The following ASMTL variants were observed in gnomAD, a reference collection of about 807,000 sequenced individuals.
The protein encoded by ASMTL is probable bifunctional dTTP/UTP pyrophosphatase/methyltransferase protein.
Under a neutral mutation model 60.3 loss-of-function variants are expected in ASMTL, and 57 were observed. The observed-to-expected ratio is 0.95, with a 90% CI of 0.76 to 1.18. The LOEUF is 1.18. ASMTL is among the 50% of genes most tolerant of loss of function. The probability of loss-of-function intolerance (pLI) is 0.00; values close to 1 mark genes in which losing one functional copy is unlikely to be tolerated. For synonymous variants in ASMTL, 419 were observed against 373.0 expected (o/e 1.12, Z -1.42); for missense variants, 981 against 852.6 (o/e 1.15, Z -1.88).
At chrX:1,431,209 A>G (rs1238274441) in intron 6 of ASMTL, among the ~76,000 whole-genome samples, 5 of 114,908 alleles carry the variant, frequency 4.4e-5, no homozygotes, top group African/African-American at 1.3e-4. Context: ...ATCATTTATA[A>G]TTAATTATAT....
At chrX:1,416,149 A>G (rs1471879441) in intron 11 of ASMTL, among the ~76,000 whole-genome samples, 1 of 151,704 alleles carries the variant, frequency 6.6e-6, no homozygotes, top group African/African-American at 2.4e-5. Flanking sequence ...ACAGATGGGC[A>G]CACACACATG....
chrX:1,438,224 G>A (rs1444702866), intron 3 of ASMTL, among the ~76,000 whole-genome samples: 12 of 151,862 alleles, frequency 7.9e-5, no homozygotes, highest in Admixed American at 2.6e-4. Flanking sequence ...CGGAGGTCCC[G>A]GTGAGCCGAG....
chrX:1,418,057 C>G lies in ASMTL; in HGVS notation c.1438G>C (p.Val480Leu). 6.2e-7 allele frequency: 1 copy of G among 1,613,568 alleles called. No homozygotes were observed. Among genetic ancestry groups the G allele is most frequent in the Middle Eastern group, 1.7e-4 (1 of 6,052 alleles). ...TCGATAATGTCTGGGAGGTCAAACA[C>G]AGTCACCTGCATACGAGGGTACTCA... ...AREYPRMQVT[V>L]FDLPDIIELA... The change falls in exon 11 of 13, where the codon GTG becomes CTG. Residue 480 changes from valine (V) to leucine (L), a missense_variant. Transcript: ENST00000381317.
At chrX:1,422,231 C>T (rs2090501391) in intron 8 of ASMTL, among the ~76,000 whole-genome samples, 1 of 152,060 alleles carries the variant, frequency 6.6e-6, no homozygotes, top group Admixed American at 6.6e-5. Context: ...TTGCATCTAC[C>T]ATCAGTTTGA....
At chrX:1,403,599 G>T in intron 12 of ASMTL, 110 bp from the exon 13 acceptor site, 2 of 1,010,756 alleles carry the variant, frequency 2.0e-6, no homozygotes, top group South Asian at 1.4e-5. Context: ...AGCAGAGGCT[G>T]CTGAGAACCC....
At chrX:1,417,418 T>C (rs2090329021) in intron 11 of ASMTL, among the ~76,000 whole-genome samples, 1 of 88,604 alleles carries the variant, frequency 1.1e-5, no homozygotes, top group Non-Finnish European at 2.5e-5. Context: ...GGACACACAG[T>C]CTCATGCACA....
At chrX:1,443,873 C>T (rs1489032899) in intron 1 of ASMTL, among the ~76,000 whole-genome samples, 2 of 151,968 alleles carry the variant, frequency 1.3e-5, no homozygotes, top group Admixed American at 1.3e-4. Context: ...TGGACAGACA[C>T]CGCCGTCGTG....
At chrX:1,419,189 G>C (rs766703983) in intron 9 of ASMTL, 75 bp from the exon 10 acceptor site, 2 of 1,559,954 alleles carry the variant, frequency 1.3e-6, no homozygotes, top group Non-Finnish European at 8.7e-7. Flanking sequence ...CTGGGGGTCG[G>C]GGGGAGAAGT....
chrX:1,446,716 G>C (rs1384737934), intron 1 of ASMTL, among the ~76,000 whole-genome samples: 1 of 151,970 alleles, frequency 6.6e-6, no homozygotes, highest in African/African-American at 2.4e-5. Context: ...AGCCAGGATG[G>C]TCTCGATCTC....
At chrX:1,442,444 A>C in intron 1 of ASMTL, 127 bp from the exon 2 acceptor site, 80 of 1,071,104 alleles carry the variant, frequency 7.5e-5, no homozygotes, top group Non-Finnish European at 1.0e-4. Flanking sequence ...AGGTGAGCTC[A>C]TCCATCCGCC....
intron 1 of ASMTL, among the ~76,000 whole-genome samples, chrX:1,443,238 C>T (rs1249254031): frequency 7.6e-5 from 6 of 79,268 alleles, no homozygotes; most frequent in Non-Finnish European, 1.4e-4. Context: ...GCACACACAC[C>T]GCCGTCGTGG....
rs747118552 is a variant in ASMTL at position 1,438,731 on chromosome X, C to G, written c.273+366G>C. 3.9e-4 allele frequency among the ~76,000 whole-genome samples: 60 copies of G among 152,312 alleles called. 1 individual carries two copies. The highest frequency in any genetic ancestry group is 1.4e-3 in the African/African-American group (59 of 41,580). ...CTGTTACTATGTGTTATAATATTCTCTTGCAATTGATATCATATAGTATCA... is the reference window on the plus strand; with the variant it reads ...CTGTTACTATGTGTTATAATATTCTGTTGCAATTGATATCATATAGTATCA... On this transcript the variant is annotated intron_variant, in intron 3 of 12. Coordinates refer to ENST00000381317, the MANE Select transcript of ASMTL (RefSeq NM_004192.4).
At chrX:1,439,956 T>C (rs189318519) in intron 2 of ASMTL, among the ~76,000 whole-genome samples, 32 of 152,166 alleles carry the variant, frequency 2.1e-4, no homozygotes, top group African/African-American at 7.5e-4. Context: ...ACAGGACATC[T>C]GTGTGCAGCT....
At chrX:1,450,176 C>T (rs1281763121) in intron 1 of ASMTL, among the ~76,000 whole-genome samples, 1 of 151,616 alleles carries the variant, frequency 6.6e-6, no homozygotes, top group Non-Finnish European at 1.5e-5. Flanking sequence ...CCAGTAACTA[C>T]CCCCCATCAC....
chrX:1,421,511 A>G (rs1418001604), intron 9 of ASMTL, 147 bp downstream of exon 9: 4 of 803,556 alleles, frequency 5.0e-6, no homozygotes, highest in Non-Finnish European at 8.1e-6. Flanking sequence ...GAGCCACGGC[A>G]CTAAGTTCTC....
chrX:1,426,228 C>T (rs1399695338), intron 7 of ASMTL, among the ~76,000 whole-genome samples: 3 of 152,130 alleles, frequency 2.0e-5, no homozygotes, highest in Non-Finnish European at 2.9e-5. Context: ...CTTGGACCTC[C>T]AGCCTCCAGG....
chrX:1,416,332 C>A (rs62638265), intron 11 of ASMTL, among the ~76,000 whole-genome samples: 1 of 130,348 alleles, frequency 7.7e-6, no homozygotes, highest in South Asian at 2.3e-4. Flanking sequence ...CACACACACA[C>A]GGACATACAG....
chrX:1,419,277 C>A, intron 9 of ASMTL, 163 bp from the exon 10 acceptor site: 1 of 314,958 alleles, frequency 3.2e-6, no homozygotes, highest in Non-Finnish European at 4.6e-6. Context: ...GTGGGCTACT[C>A]TTGTCTGTGT....
At chrX:1,434,380 C>T (rs2090902219) in intron 5 of ASMTL, among the ~76,000 whole-genome samples, 1 of 151,500 alleles carries the variant, frequency 6.6e-6, no homozygotes, top group South Asian at 2.1e-4. Flanking sequence ...GTTTCTGTGA[C>T]TGTAGGGGCT....
Sources: allele counts gnomAD v4.1 joint callset (sites outside exome capture counted in the v4.1 genomes callset), GRCh38; gene constraint gnomAD v4.1.1; transcripts MANE v1.5; gene names NCBI Gene and HGNC (gene_info 2026-07-23, HGNC 2026-07-21).